TRIM16: variants seen among roughly 807,000 people sequenced by gnomAD.
TRIM16 encodes tripartite motif-containing protein 16.
A neutral mutation model predicts 50.4 loss-of-function variants in TRIM16; 33 were observed. The ratio of observed to expected loss-of-function variants is 0.65; its 90% CI spans 0.50 to 0.88. The LOEUF (loss-of-function observed/expected upper bound fraction) is 0.88, where lower values mean the gene tolerates loss of function less well. Among genes scored for constraint, TRIM16 ranks in the 40% least tolerant of loss-of-function variants. The probability of loss-of-function intolerance (pLI) is 0.00; values close to 1 mark genes in which losing one functional copy is unlikely to be tolerated. For missense variants in TRIM16, 581 were observed against 686.8 expected (o/e 0.85, Z 1.72); for synonymous variants, 229 against 270.7 (o/e 0.85, Z 1.51).
At chr17:15,659,328 C>T (rs1265390924) in intron 6 of TRIM16, among the ~76,000 whole-genome samples, 2 of 152,124 alleles carry the variant, frequency 1.3e-5, no homozygotes, top group East Asian at 3.9e-4. Context: ...GGTGCACGGG[C>T]ACCGCTTTGA....
chr17:15,644,622 C>T (rs1987270760), intron 7 of TRIM16, among the ~76,000 whole-genome samples: 1 of 152,056 alleles, frequency 6.6e-6, no homozygotes, highest in South Asian at 2.1e-4. Context: ...GAAAGTCAAA[C>T]CCTTTCATCA....
chr17:15,657,153 C>T (rs1241578038), intron 6 of TRIM16, among the ~76,000 whole-genome samples: 3 of 152,164 alleles, frequency 2.0e-5, no homozygotes, highest in South Asian at 2.1e-4. Flanking sequence ...GATAAATACA[C>T]ATAAAATACA....
intron 8 of TRIM16, among the ~76,000 whole-genome samples, chr17:15,641,728 G>A (rs375224204): frequency 0.02 from 2,938 of 148,396 alleles, 277 homozygotes; most frequent in African/African-American, 0.069. Context: ...AAATTAAGTT[G>A]AAATGAATAC....
rs920250932 is a variant in TRIM16 at position 15,673,769 on chromosome 17, T to C, written c.-338+3407A>G. Among the ~76,000 whole-genome samples, 11 of 152,372 alleles carry C rather than the reference T, an allele frequency of 7.2e-5. No homozygotes were observed. In the South Asian group the frequency reaches 8.3e-4, roughly 11 times the overall value. Reference sequence around the variant, plus strand: ...AATGCCTGGCTTTATTAGGTACACATAAAATTTCTTAGAGCCATATACAGA... The same window carrying C: ...AATGCCTGGCTTTATTAGGTACACACAAAATTTCTTAGAGCCATATACAGA... On this transcript the variant is annotated intron_variant, in intron 6 of 11. Coordinates refer to ENST00000649191, the MANE Select transcript of TRIM16 (RefSeq NM_001348119.1).
At chr17:15,668,433 T>A (rs1416632874) in intron 6 of TRIM16, among the ~76,000 whole-genome samples, 5 of 152,196 alleles carry the variant, frequency 3.3e-5, no homozygotes, top group African/African-American at 1.2e-4. Flanking sequence ...ATAAGTCTGA[T>A]CATGTCACTT....
chr17:15,680,649 C>A (rs1989148665), intron 4 of TRIM16, among the ~76,000 whole-genome samples: 1 of 152,112 alleles, frequency 6.6e-6, no homozygotes, highest in Non-Finnish European at 1.5e-5. Flanking sequence ...TACTGCCATA[C>A]AACTGAGGAA....
In TRIM16 at chr17:15,636,329, T is replaced by C. The variant is rs1986740775; in HGVS notation, c.616-60A>G. ...TTTCTTAGTGAGGCATCCAACTTGATAGAAACTCAACATACAGAAATGTCA... is the reference window on the plus strand; with the variant it reads ...TTTCTTAGTGAGGCATCCAACTTGACAGAAACTCAACATACAGAAATGTCA... On this transcript the variant is annotated intron_variant, in intron 8 of 11. Coordinates refer to ENST00000649191, the MANE Select transcript of TRIM16 (RefSeq NM_001348119.1). 1.5e-5 allele frequency: 23 copies of C among 1,564,330 alleles called. 1 individual carries two copies. The highest frequency in any genetic ancestry group is 8.3e-5 in the African/African-American group (6 of 72,246).
At chr17:15,673,396 A>G (rs1413925341) in intron 6 of TRIM16, among the ~76,000 whole-genome samples, 1 of 152,252 alleles carries the variant, frequency 6.6e-6, no homozygotes, top group Non-Finnish European at 1.5e-5. Context: ...TTAAATTTCA[A>G]GCTGTACTAA....
At chr17:15,648,668 T>C (rs1286311599) in intron 7 of TRIM16, among the ~76,000 whole-genome samples, 1 of 152,196 alleles carries the variant, frequency 6.6e-6, no homozygotes, top group African/African-American at 2.4e-5. Flanking sequence ...GAGCCTTAGT[T>C]ATGTCTGATG....
Position 15,628,490 on chromosome 17 carries a change from A to G in TRIM16, c.*125T>C, listed in dbSNP as rs1429814363. 2 of 821,730 alleles carry G rather than the reference A, an allele frequency of 2.4e-6. No homozygotes were observed. The highest frequency in any genetic ancestry group is 3.7e-6 in the Non-Finnish European group (2 of 538,418). The allele number at this position is 821,730 out of a possible 1,614,324, so 50.9% of individuals were successfully genotyped here. A position where few individuals can be genotyped will look rare whatever the true frequency, so the allele number is the denominator to read the frequency against. On this transcript the variant is annotated 3_prime_UTR_variant, in exon 12 of 12. Transcript: ENST00000649191. Reference sequence around the variant, plus strand: ...AAGAGAGCAGCTGGAGAATGTTTTCATTCAGAGACCCCATAGGATTTCAAA... The same window carrying G: ...AAGAGAGCAGCTGGAGAATGTTTTCGTTCAGAGACCCCATAGGATTTCAAA...
At chr17:15,653,753 G>A (rs1447478205) in intron 6 of TRIM16, among the ~76,000 whole-genome samples, 6 of 152,124 alleles carry the variant, frequency 3.9e-5, no homozygotes, top group African/African-American at 7.2e-5. Flanking sequence ...AATTCAGCCC[G>A]TAACACACGG....
rs1201954173 is a variant in TRIM16, at chr17:15,677,240, C to G, written c.-402G>C. On this transcript the variant is annotated 5_prime_UTR_variant, in exon 6 of 12. Transcript: ENST00000649191. Reference sequence around the variant, plus strand: ...GTGTTCGTGGGCTTACCACTTCTTCCAACTAGGAGATGATACCAGGTTTGG... The same window carrying G: ...GTGTTCGTGGGCTTACCACTTCTTCGAACTAGGAGATGATACCAGGTTTGG... 1 of 985,408 alleles carries G rather than the reference C, an allele frequency of 1.0e-6. No homozygotes were observed. The highest frequency in any genetic ancestry group is 1.2e-6 in the Non-Finnish European group (1 of 829,938). The allele number at this position is 985,408 out of a possible 1,614,324, so 61.0% of individuals were successfully genotyped here.
rs1166204921 is a variant in TRIM16, at chr17:15,636,131, T to G, written c.754A>C (p.Lys252Gln). ...QAALSQANGIKAHLEYRSAEM... is the reference protein window; with the variant it reads ...QAALSQANGIQAHLEYRSAEM... ...GCACTCCTGTACTCCAGGTGGGCCTTGATACCGTTGGCCTGGCTCAGCGCA... is the reference window on the plus strand; with the variant it reads ...GCACTCCTGTACTCCAGGTGGGCCTGGATACCGTTGGCCTGGCTCAGCGCA... Residue 252 changes from lysine (K) to glutamine (Q), a missense_variant, in exon 9 of 12, where the codon AAG becomes CAG. By Grantham distance (53) the Lys-to-Gln change is moderately conservative (BLOSUM62 1). Coordinates refer to ENST00000649191, the MANE Select transcript of TRIM16 (RefSeq NM_001348119.1). 8 of 1,610,072 alleles carry G rather than the reference T, an allele frequency of 5.0e-6. No individual in the cohort carries two copies. In the East Asian group the frequency reaches 1.6e-4, roughly 32 times the overall value.
At chr17:15,664,734 G>A (rs894099991) in intron 6 of TRIM16, among the ~76,000 whole-genome samples, 6 of 151,882 alleles carry the variant, frequency 4.0e-5, no homozygotes, top group African/African-American at 1.2e-4. Context: ...CTGCTGCCCC[G>A]ACCAAGAACC....
intron 4 of TRIM16, among the ~76,000 whole-genome samples, chr17:15,680,223 C>T (rs568065503): frequency 5.0e-4 from 76 of 152,170 alleles, no homozygotes; most frequent in African/African-American, 1.6e-3. Flanking sequence ...CTTTAAAATG[C>T]TAGTTGAATG....
At position 15,655,899 on chromosome 17, in the gene TRIM16, C is replaced by G. The variant is rs189802944; in HGVS notation, c.-337-3953G>C. On this transcript the variant is annotated intron_variant, in intron 6 of 11. Transcript: ENST00000649191. ...CGTGTCCCCACTTAACCTTAGTTTCCTTGTCCATGAAATGAGTATGTTGTC... is the reference window on the plus strand; with the variant it reads ...CGTGTCCCCACTTAACCTTAGTTTCGTTGTCCATGAAATGAGTATGTTGTC... 3.9e-3 allele frequency among the ~76,000 whole-genome samples: 593 copies of G among 152,292 alleles called. 2 individuals are homozygous for G. Among genetic ancestry groups the G allele is most frequent in the Middle Eastern group, 0.017 (5 of 294 alleles).
At chr17:15,660,043 G>A (rs2150926578) in intron 6 of TRIM16, among the ~76,000 whole-genome samples, 1 of 152,318 alleles carries the variant, frequency 6.6e-6, no homozygotes, top group Admixed American at 6.5e-5. Context: ...CAAGTTACAG[G>A]GTGAGGGTGA....
rs1380205756 is a variant in TRIM16, at chr17:15,676,434, T to C, written c.-338+742A>G. On this transcript the variant is annotated intron_variant, in intron 6 of 11. Transcript: ENST00000649191. ...ACCAGAAACCTGAGAATTTTTTCTT[T>C]TTTTTTTTTTTTTTTCTTGAGATGG... 2.2e-4 allele frequency among the ~76,000 whole-genome samples: 3 copies of C among 13,688 alleles called. No individual in the cohort carries two copies. In the East Asian group the frequency reaches 6.7e-3, roughly 30 times the overall value. 9.0% of individuals were successfully genotyped at this position (13,688 alleles called of 152,430 possible). A position where few individuals can be genotyped will look rare whatever the true frequency, so the allele number is the denominator to read the frequency against.
chr17:15,643,525 T>G (rs536327306), intron 7 of TRIM16, among the ~76,000 whole-genome samples: 2 of 145,750 alleles, frequency 1.4e-5, no homozygotes, highest in Non-Finnish European at 3.0e-5. Flanking sequence ...AAATTACATC[T>G]TACATGTATT....
Sources: gnomAD v4.1 joint callset for allele counts (sites outside exome capture counted in the v4.1 genomes callset) on GRCh38, gnomAD v4.1.1 for gene constraint, MANE v1.5 for transcripts, NCBI Gene and HGNC (gene_info 2026-07-23, HGNC 2026-07-21) for gene names.